Variants in RMC1 observed in about 807,000 individuals in gnomAD.
The protein encoded by RMC1 is regulator of MON1-CCZ1 complex.
In RMC1, 44 loss-of-function variants were observed where a neutral mutation model predicts 95.5. That is an observed-to-expected ratio of 0.46 (90% CI 0.36 to 0.59). The LOEUF (loss-of-function observed/expected upper bound fraction) is 0.59. Among genes scored for constraint, RMC1 ranks in the 20% least tolerant of loss-of-function variants. The probability of loss-of-function intolerance (pLI) is 0.00; values close to 1 mark genes in which losing one functional copy is unlikely to be tolerated. For synonymous variants in RMC1, 320 were observed against 303.6 expected, an observed-to-expected ratio of 1.05 and a Z score of -0.56; for missense variants, 705 against 819.6, an observed-to-expected ratio of 0.86 and a Z score of 1.71.
chr18:23,504,504 T>A, intron 2 of RMC1, 57 bp downstream of exon 2: 1 of 1,474,444 alleles, frequency 6.8e-7, no homozygotes, highest in Non-Finnish European at 9.5e-7. Context: ...GATGTTTTTC[T>A]AATTCAAATG....
In RMC1 at chr18:23,503,628, G is replaced by A. The variant is rs1598829608; in HGVS notation, c.10G>A (p.Glu4Lys). MGE[E>K]DYYLELCERP... The stretch of plus-strand genomic sequence containing the variant: ...GGGCGCGGCGCCCGCCATGGGCGAG[G>A]AGGACTACTATCTGGAGCTGTGCGA... Residue 4 changes from glutamate (E) to lysine (K), a missense_variant, in exon 1 of 20, where the codon GAG (glutamate) becomes AAG (lysine). Physicochemically the swap from Glu to Lys is moderately conservative, Grantham distance 56 (BLOSUM62 1). Coordinates refer to ENST00000269221, the MANE Select transcript of RMC1 (RefSeq NM_013326.5). 6 of 1,562,856 alleles carry A rather than the reference G, an allele frequency of 3.8e-6. No individual in the cohort carries two copies. Among genetic ancestry groups the A allele is most frequent in the African/African-American group, 1.4e-5 (1 of 70,296 alleles).
At chr18:23,513,402 G>C (rs776210333) in intron 5 of RMC1, among the ~76,000 whole-genome samples, 1 of 152,154 alleles carries the variant, frequency 6.6e-6, no homozygotes, top group Non-Finnish European at 1.5e-5. Flanking sequence ...TGATAATACC[G>C]CACTGAGCGT....
chr18:23,506,699 T>C, intron 2 of RMC1: 2 of 333,580 alleles, frequency 6.0e-6, no homozygotes, highest in South Asian at 5.5e-5. Context: ...TATAGTTATT[T>C]ATGTTGGAAC....
At chr18:23,526,594 G>A (rs1567931306) in intron 12 of RMC1, 43 bp from the exon 13 acceptor site, 7 of 1,601,714 alleles carry the variant, frequency 4.4e-6, no homozygotes, top group East Asian at 4.5e-5. Flanking sequence ...CTTTTGTTAC[G>A]GTTTGCATCA....
At chr18:23,507,625 A>G (rs1417662796) in intron 3 of RMC1, among the ~76,000 whole-genome samples, 9 of 152,356 alleles carry the variant, frequency 5.9e-5, no homozygotes, top group East Asian at 1.9e-4. Flanking sequence ...AGAAACAGGC[A>G]GAATCCTCTG....
intron 10 of RMC1, 70 bp from the exon 11 acceptor site, chr18:23,524,060 G>A: frequency 6.8e-7 from 1 of 1,462,122 alleles, no homozygotes; most frequent in South Asian, 1.1e-5. Flanking sequence ...ATTGACTTTT[G>A]TGTCATAAGT....
chr18:23,525,471 C>T (rs531242472), intron 12 of RMC1, among the ~76,000 whole-genome samples: 4 of 152,044 alleles, frequency 2.6e-5, no homozygotes, highest in Non-Finnish European at 4.4e-5. Context: ...TGTCACCAGG[C>T]TGGAGTGCAG....
rs2058308722 is a variant in RMC1 at position 23,526,740 on chromosome 18, G to T, written c.1164G>T (p.Met388Ile). 4 of 1,614,076 alleles carry T rather than the reference G, an allele frequency of 2.5e-6. No individual in the cohort carries two copies. The highest frequency in any genetic ancestry group is 3.4e-6 in the Non-Finnish European group (4 of 1,180,004). ...TCCTCCAGAGAAAGGAATGCAAGAT[G>T]GTCATCCTGTCTGTCTGTTCACAGA... ...DFLLQRKECK[M>I]VILSVCSQML... The change falls in exon 13 of 20, where the codon ATG (methionine) becomes ATT (isoleucine). Residue 388 changes from methionine to isoleucine, a missense_variant. Transcript: ENST00000269221.
intron 7 of RMC1, 64 bp downstream of exon 7, chr18:23,516,487 A>T: frequency 6.5e-7 from 1 of 1,543,216 alleles, no homozygotes; most frequent in South Asian, 1.1e-5. Flanking sequence ...TAATAGAAGG[A>T]GTGTGTTACA....
chr18:23,529,136 T>C, intron 14 of RMC1, 43 bp from the exon 15 acceptor site: 1 of 1,595,450 alleles, frequency 6.3e-7, no homozygotes, highest in Non-Finnish European at 8.5e-7. Context: ...GCACCCTTCC[T>C]CTAAGATGCC....
chr18:23,524,148 G>C lies in RMC1; in HGVS notation c.980G>C (p.Ser327Thr). 1 of 1,614,058 alleles carries C rather than the reference G, an allele frequency of 6.2e-7. No individual in the cohort carries two copies. Among genetic ancestry groups the C allele is most frequent in the Non-Finnish European group, 8.5e-7 (1 of 1,180,052 alleles). ...TTTGTAGGTCCTGCTGCCGTGACCA[G>C]CCAGTCTCCTGTTCCATGTAAACTC... Reference protein sequence around the residue: ...IPITGPAAVTSQSPVPCKLYS... With the variant: ...IPITGPAAVTTQSPVPCKLYS... Residue 327 changes from serine to threonine, a missense_variant, in exon 11 of 20, where the codon AGC becomes ACC. By Grantham distance (58) the Ser-to-Thr change is moderately conservative. Coordinates refer to ENST00000269221, the MANE Select transcript of RMC1 (RefSeq NM_013326.5).
intron 1 of RMC1, 27 bp downstream of exon 1, chr18:23,503,747 C>A (rs779685728): frequency 3.2e-6 from 5 of 1,575,584 alleles, no homozygotes; most frequent in Non-Finnish European, 4.3e-6. Context: ...CTTCCTCCCC[C>A]GCGCGGCCCT....
intron 14 of RMC1, 44 bp from the exon 15 acceptor site, chr18:23,529,135 C>G: frequency 1.3e-6 from 2 of 1,594,510 alleles, no homozygotes; most frequent in Non-Finnish European, 1.7e-6. Context: ...AGCACCCTTC[C>G]TCTAAGATGC....
rs543692844 is a variant in RMC1, at chr18:23,511,980, G to A, written c.408+2701G>A. ...CCTTTAGGAGGACTGGATATTATCA[G>A]TCTATAGACATTTGCCAACCTGAGA... On this transcript the variant is annotated intron_variant, in intron 5 of 19. Coordinates refer to ENST00000269221, the MANE Select transcript of RMC1 (RefSeq NM_013326.5). Among the ~76,000 whole-genome samples the A allele has an allele frequency of 6.0e-5, 9 of 149,396 alleles. No individual in the cohort carries two copies. The East Asian group carries it at 1.8e-3, about 30-fold the overall frequency.
At position 23,519,090 on chromosome 18, in the gene RMC1, G is replaced by A. The variant is rs1400962466; in HGVS notation, c.765G>A (p.Met255Ile). ...HLPREGACKK[M>I]HILKLNRTGK... ...ACAGAGAAGGTGCCTGTAAAAAGAT[G>A]CACATATTGAAGTTAAATAGGACGG... Residue 255 changes from methionine (M) to isoleucine (I), a missense_variant, in exon 9 of 20, where the codon ATG (methionine) becomes ATA (isoleucine). By Grantham distance (10) the Met-to-Ile change is conservative. Transcript: ENST00000269221. 2.5e-6 allele frequency: 4 copies of A among 1,614,160 alleles called. No individual in the cohort carries two copies. The highest frequency in any genetic ancestry group is 3.4e-6 in the Non-Finnish European group (4 of 1,180,032).
At chr18:23,513,435 A>G (rs1186874699) in intron 5 of RMC1, among the ~76,000 whole-genome samples, 3 of 152,172 alleles carry the variant, frequency 2.0e-5, no homozygotes, top group African/African-American at 7.2e-5. Flanking sequence ...TTGCTTATCC[A>G]TTCATCTGTT....
chr18:23,516,184 T>G (rs2057999747), intron 6 of RMC1, 136 bp from the exon 7 acceptor site: 1 of 1,309,420 alleles, frequency 7.6e-7, no homozygotes, highest in Non-Finnish European at 1.1e-6. Context: ...GCAGACAGGC[T>G]GTGAGAGGAC....
At chr18:23,524,766 C>T (rs750142542) in intron 12 of RMC1, among the ~76,000 whole-genome samples, 1 of 151,772 alleles carries the variant, frequency 6.6e-6, no homozygotes, top group Non-Finnish European at 1.5e-5. Flanking sequence ...GATGGAAAGC[C>T]GGACTCCACC....
chr18:23,528,983 G>A (rs1197613760), intron 14 of RMC1, 196 bp from the exon 15 acceptor site: 3 of 786,186 alleles, frequency 3.8e-6, no homozygotes, highest in African/African-American at 3.6e-5. Flanking sequence ...GGGTTCAAGG[G>A]ATTCTCCTGC....
Sources: allele counts gnomAD v4.1 joint callset (sites outside exome capture counted in the v4.1 genomes callset), GRCh38; gene constraint gnomAD v4.1.1; transcripts MANE v1.5; gene names NCBI Gene and HGNC (gene_info 2026-07-23, HGNC 2026-07-21).